BCL6: variants seen among roughly 807,000 people sequenced by gnomAD.
BCL6 encodes the protein BCL6 transcription repressor, also known as B-cell lymphoma 6 protein.
Under a neutral mutation model 59.5 loss-of-function variants are expected in BCL6, and 7 were observed. That is an observed-to-expected ratio of 0.12 (90% CI 0.07 to 0.22). The LOEUF (loss-of-function observed/expected upper bound fraction) is 0.22, where lower values mean the gene tolerates loss of function less well. BCL6 is among the 10% of genes least tolerant of loss of function. The pLI, the probability that BCL6 is intolerant of heterozygous loss-of-function variation, is 1.00. For synonymous variants in BCL6, 339 were observed against 349.7 expected (o/e 0.97, Z 0.34); for missense variants, 685 against 939.4 (o/e 0.73, Z 3.54).
At chr3:187,724,227 T>G (rs1718558268) in intron 9 of BCL6, among the ~76,000 whole-genome samples, 1 of 152,152 alleles carries the variant, frequency 6.6e-6, no homozygotes, top group Non-Finnish European at 1.5e-5. Flanking sequence ...TCCAATAACC[T>G]TTTACTTAGG....
intron 1 of BCL6, among the ~76,000 whole-genome samples, chr3:187,743,726 CCCCCGCCCTTTCT>C (rs1711711124): frequency 6.6e-6 from 1 of 151,016 alleles, no homozygotes; most frequent in Admixed American, 6.6e-5. Flanking sequence ...TCCTGCTGCC[CCCCCGCCCTTTCT>C]CCCCGCCCGC....
Position 187,729,586 on chromosome 3 carries a change from C to T in BCL6, c.819G>A (p.Met273Ile). The T allele has an allele frequency of 1.2e-6, 2 of 1,614,144 alleles. No individual in the cohort carries two copies. The highest frequency in any genetic ancestry group is 1.7e-6 in the Non-Finnish European group (2 of 1,180,028). ...TGAGGCCCTCAGCCACACTGTAGTG[C>T]ATATCACTTCGTGCCTCTTCTGGGA... is the stretch of plus-strand genomic sequence containing the variant. ...ETIPEEARSDMHYSVAEGLKP... is the reference protein window; with the variant it reads ...ETIPEEARSDIHYSVAEGLKP... The change falls in exon 5 of 10, where the codon ATG (methionine) becomes ATA (isoleucine). Residue 273 changes from methionine to isoleucine, a missense_variant. Coordinates refer to ENST00000406870, the MANE Select transcript of BCL6 (RefSeq NM_001706.5). This position sits in a 1 kb window ranked among gnomAD's most constrained non-coding sequence, Gnocchi z 5.6.
intron 1 of BCL6, chr3:187,737,347 CAGAGAGAGAGAGAGAGAGAGAG>C (rs67618905): frequency 7.2e-4 from 49 of 68,478 alleles, no homozygotes; most frequent in Admixed American, 3.5e-3. Context: ...GCAGAAACGA[CAGAGAGAGAGAGAGAGAGAGAG>C]AGAGAGAGAG....
In BCL6 at chr3:187,729,165, A is replaced by AGGC; in HGVS notation, c.1237_1239dup (p.Ala413dup). ...TTCTCAGGCTCCATGGGTGGCTGGC[A>AGGC]GGCAGGTGGGGCCGTGTAGGCTCGT... On this transcript the variant is annotated inframe_insertion, in exon 5 of 10. Transcript: ENST00000406870. This position sits in a 1 kb window ranked among gnomAD's most constrained non-coding sequence, Gnocchi z 5.6. 6.2e-7 allele frequency: 1 copy of AGGC among 1,609,764 alleles called. No individual in the cohort carries two copies. The highest frequency in any genetic ancestry group is 8.5e-7 in the Non-Finnish European group (1 of 1,176,938).
At chr3:187,731,973 T>A in intron 3 of BCL6, 43 bp from the exon 4 acceptor site, 1 of 1,536,998 alleles carries the variant, frequency 6.5e-7, no homozygotes, top group Non-Finnish European at 9.0e-7. Context: ...ACATATCGAA[T>A]CTGTGATCCC....
chr3:187,745,102 C>T lies in BCL6; in HGVS notation c.-50+308G>A, dbSNP rs140880751. On this transcript the variant is annotated intron_variant, in intron 1 of 9. Transcript: ENST00000406870. ...GTGGCAAAAGCCTCCCCAAACCGGC[C>T]GATTCACTCAAAGACAACAATAATA... Among the ~76,000 whole-genome samples the T allele has an allele frequency of 4.6e-5, 7 of 152,154 alleles. No homozygotes were observed. In the East Asian group the frequency reaches 1.4e-3, roughly 29 times the overall value.
intron 4 of BCL6, 138 bp downstream of exon 4, chr3:187,731,570 GA>G (rs1719043792): frequency 1.2e-6 from 1 of 827,866 alleles, no homozygotes; most frequent in Non-Finnish European, 1.9e-6. Flanking sequence ...AAGAAGAGCA[GA>G]AGTGTGCAAC....
chr3:187,732,422 A>T (rs1719092079), intron 3 of BCL6: 1 of 388,778 alleles, frequency 2.6e-6, no homozygotes, highest in Non-Finnish European at 5.1e-6. Context: ...TCTATACTCT[A>T]CTGCTTTTAT....
rs527308127 is a variant in BCL6 at position 187,728,082 on chromosome 3, C to T, written c.1540+278G>A. Reference sequence around the variant, plus strand: ...GAAAGCTCTGGGAGTTACAGCCAGCCCCACAAGCTACTTTTGCTGGCATGA... The same window carrying T: ...GAAAGCTCTGGGAGTTACAGCCAGCTCCACAAGCTACTTTTGCTGGCATGA... On this transcript the variant is annotated intron_variant, in intron 6 of 9. Transcript: ENST00000406870. Among the ~76,000 whole-genome samples the T allele has an allele frequency of 2.0e-5, 3 of 152,256 alleles. No individual in the cohort carries two copies. In the South Asian group the frequency reaches 6.2e-4, roughly 32 times the overall value.
At chr3:187,733,759 C>T in intron 2 of BCL6, 56 bp from the exon 3 acceptor site, 1 of 1,585,256 alleles carries the variant, frequency 6.3e-7, no homozygotes, top group African/African-American at 1.3e-5. Flanking sequence ...TCCTGCTTGC[C>T]ACAGGTATCA....
At chr3:187,741,542 G>A (rs767689349) in intron 1 of BCL6, among the ~76,000 whole-genome samples, 5 of 152,030 alleles carry the variant, frequency 3.3e-5, no homozygotes, top group Non-Finnish European at 7.4e-5. Flanking sequence ...TGTGGGTCTC[G>A]GAGTGGACAT....
Position 187,722,267 on chromosome 3 carries a change from G to A in BCL6, c.*191C>T. 2 of 568,658 alleles carry A rather than the reference G, an allele frequency of 3.5e-6. No homozygotes were observed. The highest frequency in any genetic ancestry group is 6.4e-5 in the South Asian group (2 of 31,468). 35.2% of individuals were successfully genotyped at this position (568,658 alleles called of 1,614,324 possible). A position where few individuals can be genotyped will look rare whatever the true frequency, so the allele number is the denominator to read the frequency against. ...GATTTTCTTAATGTTTTATGGCAGT[G>A]GGGGAGGGGGAGCTGCTGCGGCTCC... On this transcript the variant is annotated 3_prime_UTR_variant, in exon 10 of 10. Coordinates refer to ENST00000406870, the MANE Select transcript of BCL6 (RefSeq NM_001706.5).
At chr3:187,744,615 T>C (rs540807461) in intron 1 of BCL6, among the ~76,000 whole-genome samples, 7 of 152,138 alleles carry the variant, frequency 4.6e-5, no homozygotes, top group African/African-American at 7.2e-5. Context: ...TCGCTTGCAT[T>C]TTTTCCTTCC....
intron 1 of BCL6, among the ~76,000 whole-genome samples, chr3:187,744,999 T>A (rs1231986204): frequency 6.6e-6 from 1 of 151,778 alleles, no homozygotes; most frequent in Non-Finnish European, 1.5e-5. Context: ...TCTCGTCCTC[T>A]CTGCTCCGGC....
At chr3:187,727,026 C>T in intron 6 of BCL6, 128 bp from the exon 7 acceptor site, 1 of 1,032,702 alleles carries the variant, frequency 9.7e-7, no homozygotes, top group Admixed American at 2.4e-5. Flanking sequence ...ACCCACCCGA[C>T]ATTCATGGGA....
chr3:187,733,999 AG>A (rs1719169673), intron 2 of BCL6: 1 of 428,870 alleles, frequency 2.3e-6, no homozygotes, highest in Middle Eastern at 7.2e-4. Context: ...AAGCACTGAC[AG>A]GTAGTGAGTA....
intron 3 of BCL6, among the ~76,000 whole-genome samples, chr3:187,733,054 A>C (rs1487167720): frequency 6.6e-6 from 1 of 152,244 alleles, no homozygotes; most frequent in Non-Finnish European, 1.5e-5. Context: ...CTTGATAAAC[A>C]TGAAGAATCA....
At chr3:187,744,935 G>A (rs1711843092) in intron 1 of BCL6, among the ~76,000 whole-genome samples, 1 of 152,260 alleles carries the variant, frequency 6.6e-6, no homozygotes, top group Middle Eastern at 3.4e-3. Flanking sequence ...CGTCCTCTCC[G>A]CGGTCTGGGG....
intron 1 of BCL6, among the ~76,000 whole-genome samples, chr3:187,744,076 C>T (rs1358605082): frequency 2.0e-5 from 3 of 152,112 alleles, no homozygotes; most frequent in East Asian, 3.9e-4. Context: ...AGCCTGGCGT[C>T]CACTACGCTC....
Sources: allele counts gnomAD v4.1 joint callset (sites outside exome capture counted in the v4.1 genomes callset), GRCh38; gene constraint gnomAD v4.1.1; non-coding constraint Gnocchi (gnomAD v3.1); transcripts MANE v1.5; gene names NCBI Gene and HGNC (gene_info 2026-07-23, HGNC 2026-07-21).